The following L3MBTL3 variants were observed in gnomAD, a reference collection of about 807,000 sequenced individuals.
L3MBTL3 encodes the protein lethal(3)malignant brain tumor-like protein 3.
A neutral mutation model predicts 102.3 loss-of-function variants in L3MBTL3; 27 were observed. That is an observed-to-expected ratio of 0.26 (90% confidence interval 0.19 to 0.36). The LOEUF is 0.36. L3MBTL3 is among the 10% of genes least tolerant of loss of function. The pLI, the probability that L3MBTL3 is intolerant of heterozygous loss-of-function variation, is 1.00. For missense variants in L3MBTL3, 798 were observed against 955.3 expected (o/e 0.84, Z 2.17); for synonymous variants, 340 against 320.9 (o/e 1.06, Z -0.64).
intron 19 of L3MBTL3, among the ~76,000 whole-genome samples, chr6:130,106,154 T>C (rs1302356392): frequency 1.3e-5 from 2 of 152,238 alleles, no homozygotes; most frequent in East Asian, 1.9e-4. Context: ...TTAATACTTA[T>C]CATTAGTAAT....
chr6:130,070,092 G>A lies in L3MBTL3; in HGVS notation c.1093-884G>A, dbSNP rs187434085. 5.3e-5 allele frequency among the ~76,000 whole-genome samples: 8 copies of A among 152,120 alleles called. No homozygotes were observed. The East Asian group carries it at 5.8e-4, about 11-fold the overall frequency. On this transcript the variant is annotated intron_variant, in intron 12 of 22. Transcript: ENST00000361794. ...ATCTGTATAATTGAGTCTAACAGAG[G>A]TTTTTGTTTGTTTTTTGTTTTTTGT...
chr6:130,084,277 A>G (rs1783538825), intron 15 of L3MBTL3, among the ~76,000 whole-genome samples: 1 of 152,130 alleles, frequency 6.6e-6, no homozygotes, highest in African/African-American at 2.4e-5. Flanking sequence ...AGTGAAATAT[A>G]TTTCTCATTT....
chr6:130,117,863 C>CATT (rs1785828852), intron 19 of L3MBTL3, among the ~76,000 whole-genome samples: 1 of 53,014 alleles, frequency 1.9e-5, no homozygotes, highest in Non-Finnish European at 3.4e-5. Flanking sequence ...GCACGCCTGA[C>CATT]TTTTTTTTTT....
chr6:130,138,217 G>C (rs1308782495), intron 22 of L3MBTL3: 4 of 152,174 alleles, frequency 2.6e-5, no homozygotes, highest in South Asian at 2.1e-4. Context: ...GCAGAATTTA[G>C]AGTTGTCTTA....
chr6:130,121,822 G>A (rs1350634643), intron 20 of L3MBTL3, among the ~76,000 whole-genome samples: 1 of 152,208 alleles, frequency 6.6e-6, no homozygotes, highest in Non-Finnish European at 1.5e-5. Flanking sequence ...AAGGCAGGCA[G>A]ATCACCTGAG....
chr6:130,035,156 A>G (rs978742595), intron 2 of L3MBTL3, among the ~76,000 whole-genome samples: 6 of 144,704 alleles, frequency 4.1e-5, no homozygotes, highest in African/African-American at 1.6e-4. Flanking sequence ...TTTATTCATT[A>G]AAAAAATTAT....
At chr6:130,032,540 A>C (rs1779795219) in intron 2 of L3MBTL3, among the ~76,000 whole-genome samples, 1 of 152,360 alleles carries the variant, frequency 6.6e-6, no homozygotes, top group South Asian at 2.1e-4. Flanking sequence ...CCAGATAATT[A>C]TAACAAGAAG....
At chr6:130,035,980 TTGTGTGTGTGTG>T (rs71709041) in intron 2 of L3MBTL3, among the ~76,000 whole-genome samples, 9,889 of 149,270 alleles carry the variant, frequency 0.066, 465 homozygotes, top group Non-Finnish European at 0.1. Flanking sequence ...CCTACCTGTT[TTGTGTGTGTGTG>T]TGTGTGTGTG....
Position 130,134,236 on chromosome 6 carries a change from A to G in L3MBTL3, c.2199+331A>G, listed in dbSNP as rs894314824. On this transcript the variant is annotated intron_variant, in intron 22 of 22. Transcript: ENST00000361794. ...GAAGCCAAAGAAAGAAAGAAGCAAC[A>G]TTTTCTCTTTTTAATAAAGTGAAAT... 2.0e-5 allele frequency among the ~76,000 whole-genome samples: 3 copies of G among 152,132 alleles called. No homozygotes were observed. The East Asian group carries it at 5.8e-4, about 29-fold the overall frequency.
chr6:130,130,742 A>G (rs1786951512), intron 20 of L3MBTL3, among the ~76,000 whole-genome samples: 1 of 152,222 alleles, frequency 6.6e-6, no homozygotes, highest in African/African-American at 2.4e-5. Flanking sequence ...TGGCTTTTTA[A>G]AACATATTTG....
At chr6:130,124,583 G>A (rs1279784152) in intron 20 of L3MBTL3, among the ~76,000 whole-genome samples, 1 of 152,086 alleles carries the variant, frequency 6.6e-6, no homozygotes, top group Non-Finnish European at 1.5e-5. Flanking sequence ...TTAAGTTATA[G>A]TTTTGATTAT....
At chr6:130,079,342 C>T (rs900683071) in intron 14 of L3MBTL3, among the ~76,000 whole-genome samples, 4 of 152,180 alleles carry the variant, frequency 2.6e-5, no homozygotes, top group Non-Finnish European at 5.9e-5. Context: ...CTCTCTGCCT[C>T]TAGTCATAGA....
chr6:130,080,143 G>A (rs1229111945), intron 14 of L3MBTL3, among the ~76,000 whole-genome samples: 1 of 151,674 alleles, frequency 6.6e-6, no homozygotes, highest in Non-Finnish European at 1.5e-5. Context: ...AGTCCCTGCT[G>A]TCTGTGAGAC....
chr6:130,123,930 C>T (rs879678306), intron 20 of L3MBTL3, among the ~76,000 whole-genome samples: 13 of 152,064 alleles, frequency 8.5e-5, no homozygotes, highest in Non-Finnish European at 1.5e-5. Context: ...TGGCTGAGTG[C>T]CTTATATGGG....
intron 2 of L3MBTL3, among the ~76,000 whole-genome samples, chr6:130,038,475 T>A (rs879286448): frequency 6.6e-6 from 1 of 152,136 alleles, no homozygotes; most frequent in East Asian, 1.9e-4. Context: ...TGGGGTGAGA[T>A]GATATCTCCT....
chr6:130,023,562 A>G (rs945191131), intron 2 of L3MBTL3, among the ~76,000 whole-genome samples: 1 of 152,204 alleles, frequency 6.6e-6, no homozygotes, highest in Admixed American at 6.5e-5. Flanking sequence ...AAATGTAATA[A>G]CTAGATATAT....
intron 13 of L3MBTL3, among the ~76,000 whole-genome samples, chr6:130,078,122 G>A (rs1783076697): frequency 1.3e-5 from 2 of 152,146 alleles, no homozygotes; most frequent in South Asian, 4.1e-4. Flanking sequence ...AACAGAAATA[G>A]CATGTTGGTT....
chr6:130,115,851 A>G (rs1785636233), intron 19 of L3MBTL3, among the ~76,000 whole-genome samples: 1 of 152,248 alleles, frequency 6.6e-6, no homozygotes, highest in African/African-American at 2.4e-5. Context: ...TATTGCAGTA[A>G]ATGGCTTCTT....
At chr6:130,048,597 T>G (rs1034725163) in intron 3 of L3MBTL3, among the ~76,000 whole-genome samples, 4 of 152,220 alleles carry the variant, frequency 2.6e-5, no homozygotes, top group Non-Finnish European at 5.9e-5. Context: ...AGTGATAAAA[T>G]CAGCATGTAG....
Sources: allele counts gnomAD v4.1 joint callset (sites outside exome capture counted in the v4.1 genomes callset), GRCh38; gene constraint gnomAD v4.1.1; transcripts MANE v1.5; gene names NCBI Gene and HGNC (gene_info 2026-07-23, HGNC 2026-07-21).